CRISPLD2: variants seen among roughly 807,000 people sequenced by gnomAD.
CRISPLD2 encodes cysteine rich secretory protein LCCL domain containing 2.
Under a neutral mutation model 71.1 loss-of-function variants are expected in CRISPLD2, and 47 were observed. The observed-to-expected ratio is 0.66, with a 90% CI of 0.52 to 0.84. The LOEUF (loss-of-function observed/expected upper bound fraction) is 0.84, where lower values mean the gene tolerates loss of function less well. CRISPLD2 is among the 40% of genes least tolerant of loss of function. CRISPLD2 has a pLI of 0.00. For missense variants in CRISPLD2, 830 were observed against 651.1 expected (o/e 1.27, Z -2.99); for synonymous variants, 317 against 250.1 (o/e 1.27, Z -2.52).
chr16:84,858,856 G>C (rs1917309888), intron 6 of CRISPLD2, among the ~76,000 whole-genome samples: 1 of 152,234 alleles, frequency 6.6e-6, no homozygotes. Context: ...GCGTTAATTT[G>C]CTCAAGCAAT....
intron 14 of CRISPLD2, among the ~76,000 whole-genome samples, chr16:84,889,983 C>T (rs1444714323): frequency 6.6e-6 from 1 of 152,146 alleles, no homozygotes; most frequent in Non-Finnish European, 1.5e-5. Flanking sequence ...GTTTTCTCAT[C>T]TGTGAAATAG....
At chr16:84,883,528 C>T (rs1189801815) in intron 13 of CRISPLD2, among the ~76,000 whole-genome samples, 1 of 152,214 alleles carries the variant, frequency 6.6e-6, no homozygotes, top group African/African-American at 2.4e-5. Context: ...TGGATACGTT[C>T]TCACACTTGT....
intron 11 of CRISPLD2, among the ~76,000 whole-genome samples, chr16:84,874,678 T>C (rs920667256): frequency 6.6e-6 from 1 of 152,224 alleles, no homozygotes; most frequent in African/African-American, 2.4e-5. Context: ...TAGTTAGATA[T>C]CTTTATTAAA....
In CRISPLD2 at chr16:84,889,358, T is replaced by G. The variant is rs1288924744; in HGVS notation, c.1434T>G (p.Ser478=). Reference sequence around the variant, plus strand: ...GCTCGCTCAGGAATGGAGTTCAGTCTGAAAGGTAGGGTGGTGTTCTCCAAC... The same window carrying G: ...GCTCGCTCAGGAATGGAGTTCAGTCGGAAAGGTAGGGTGGTGTTCTCCAAC... The part of the protein sequence containing the change: ...YVGSLRNGVQ[S]ESLGTPRDGK... The change falls in exon 14 of 15, where the codon TCT becomes TCG. Residue 478 remains serine, a synonymous_variant. Transcript: ENST00000262424. The G allele has an allele frequency of 6.2e-7, 1 of 1,611,606 alleles. No homozygotes were observed. Among genetic ancestry groups the G allele is most frequent in the Non-Finnish European group, 8.5e-7 (1 of 1,178,418 alleles).
Position 84,849,535 on chromosome 16 carries a change from C to T in CRISPLD2, c.492+18C>T. The T allele has an allele frequency of 6.2e-7, 1 of 1,612,100 alleles. No individual in the cohort carries two copies. Among genetic ancestry groups the T allele is most frequent in the Non-Finnish European group, 8.5e-7 (1 of 1,178,662 alleles). ...ACACACAGGTAACTCGGGGACTTGC[C>T]ACGACCTCAGCCCTGCCCCCCAATC... is the stretch of plus-strand genomic sequence containing the variant. On this transcript the variant is annotated intron_variant, in intron 4 of 14. Coordinates refer to ENST00000262424, the MANE Select transcript of CRISPLD2 (RefSeq NM_031476.4).
At chr16:84,866,630 T>A (rs1402675333) in intron 6 of CRISPLD2, among the ~76,000 whole-genome samples, 1 of 152,058 alleles carries the variant, frequency 6.6e-6, no homozygotes, top group Non-Finnish European at 1.5e-5. Context: ...GGTGTGGGCG[T>A]GGGGCCTGCT....
At chr16:84,877,892 A>C (rs2244574) in intron 12 of CRISPLD2, among the ~76,000 whole-genome samples, 64,848 of 150,894 alleles carry the variant, frequency 0.43, 15,031 homozygotes, top group East Asian at 0.66. Flanking sequence ...TATTGAGGTA[A>C]ATGATACGAT....
chr16:84,849,586 G>A, intron 4 of CRISPLD2, 69 bp downstream of exon 4: 2 of 1,389,410 alleles, frequency 1.4e-6, no homozygotes, highest in Non-Finnish European at 2.0e-6. Context: ...CTGCCCCTGG[G>A]GGATTGTCAA....
At chr16:84,888,242 C>G (rs572557381) in intron 13 of CRISPLD2, among the ~76,000 whole-genome samples, 1 of 152,268 alleles carries the variant, frequency 6.6e-6, no homozygotes, top group East Asian at 1.9e-4. Context: ...ATCTTCAAAA[C>G]CAACAATTGG....
intron 14 of CRISPLD2, among the ~76,000 whole-genome samples, chr16:84,895,474 G>T (rs1178049130): frequency 6.6e-6 from 1 of 152,168 alleles, no homozygotes; most frequent in African/African-American, 2.4e-5. Context: ...CCCAACAGGT[G>T]CCCTGTTAAC....
At position 84,857,726 on chromosome 16, in the gene CRISPLD2, C is replaced by G. The variant is rs138432409; in HGVS notation, c.709+2897C>G. Among the ~76,000 whole-genome samples, 220 of 152,288 alleles carry G rather than the reference C, an allele frequency of 1.4e-3. 2 individuals are homozygous for G. The highest frequency in any genetic ancestry group is 5.0e-3 in the African/African-American group (207 of 41,560). On this transcript the variant is annotated intron_variant, in intron 6 of 14. Transcript: ENST00000262424. ...GAACCAGGCCCTAGTCTTTTTTCAT[C>G]TGTCAACTGATCATAGGGAACTCCC...
chr16:84,873,019 C>T lies in CRISPLD2; in HGVS notation c.1009C>T (p.His337Tyr), dbSNP rs2071484854. The T allele has an allele frequency of 6.2e-7, 1 of 1,613,568 alleles. No homozygotes were observed. The highest frequency in any genetic ancestry group is 8.5e-7 in the Non-Finnish European group (1 of 1,179,848). ...GTCTAGCATATGCCGCGCCGCCATC[C>T]ACTACGGGATCCTGGATGACAAGGG... is the stretch of plus-strand genomic sequence containing the variant. ...SSSSICRAAI[H>Y]YGILDDKGGL... The change falls in exon 10 of 15, where the codon CAC becomes TAC. Residue 337 changes from histidine (H) to tyrosine (Y), a missense_variant. By Grantham distance (83) the His-to-Tyr change is moderately conservative. Transcript: ENST00000262424.
At chr16:84,845,670 G>A (rs1916892593) in intron 2 of CRISPLD2, 116 bp from the exon 3 acceptor site, 2 of 734,862 alleles carry the variant, frequency 2.7e-6, no homozygotes, top group East Asian at 2.5e-5. Context: ...CAATACAGCA[G>A]CAGAGCATTG....
chr16:84,905,287 C>T (rs532637086), intron 14 of CRISPLD2, among the ~76,000 whole-genome samples: 87 of 152,288 alleles, frequency 5.7e-4, no homozygotes, highest in African/African-American at 2.0e-3. Context: ...AATTGTCTAA[C>T]ACTGGATTGT....
intron 14 of CRISPLD2, among the ~76,000 whole-genome samples, chr16:84,892,747 G>A (rs1265424472): frequency 6.6e-5 from 10 of 151,936 alleles, no homozygotes; most frequent in East Asian, 1.9e-4. Flanking sequence ...AGGTCGAGAC[G>A]GGCAGATCAC....
chr16:84,893,136 C>T (rs951727981), intron 14 of CRISPLD2, among the ~76,000 whole-genome samples: 2 of 152,180 alleles, frequency 1.3e-5, no homozygotes, highest in Non-Finnish European at 2.9e-5. Flanking sequence ...CAGTATGTGG[C>T]GCCCGCTGCA....
intron 2 of CRISPLD2, chr16:84,838,991 C>G (rs960095687): frequency 2.6e-5 from 16 of 610,986 alleles, no homozygotes; most frequent in Admixed American, 1.5e-4. Flanking sequence ...CGGGGTTAAG[C>G]GATCCTGCTT....
chr16:84,869,590 A>T (rs76148870), intron 8 of CRISPLD2, among the ~76,000 whole-genome samples: 26,309 of 152,254 alleles, frequency 0.17, 2,555 homozygotes, highest in South Asian at 0.26. Flanking sequence ...GTGGGCTCAC[A>T]TGTGGTACTG....
intron 1 of CRISPLD2, among the ~76,000 whole-genome samples, chr16:84,823,283 C>A (rs4783079): frequency 0.39 from 60,016 of 152,092 alleles, 12,120 homozygotes; most frequent in Middle Eastern, 0.49. Context: ...TGGGCTGTTT[C>A]CACCTTTGGC....
Sources: allele counts gnomAD v4.1 joint callset (sites outside exome capture counted in the v4.1 genomes callset), GRCh38; gene constraint gnomAD v4.1.1; transcripts MANE v1.5; gene names NCBI Gene and HGNC (gene_info 2026-07-23, HGNC 2026-07-21).